SLC41A3: variants seen among roughly 807,000 people sequenced by gnomAD.
The protein encoded by SLC41A3 is SLC41A1-like 2.
A neutral mutation model predicts 45.4 loss-of-function variants in SLC41A3; 44 were observed. The observed-to-expected ratio is 0.97, with a 90% CI of 0.76 to 1.25. SLC41A3 has a LOEUF of 1.25. SLC41A3 is among the 50% of genes most tolerant of loss of function. SLC41A3 has a pLI of 0.00. For missense variants in SLC41A3, 550 were observed against 600.6 expected, an observed-to-expected ratio of 0.92 and a Z score of 0.88; for synonymous variants, 256 against 252.4, an observed-to-expected ratio of 1.01 and a Z score of -0.13.
At chr3:126,012,099 A>G (rs1939773480) in intron 9 of SLC41A3, among the ~76,000 whole-genome samples, 1 of 152,060 alleles carries the variant, frequency 6.6e-6, no homozygotes, top group Admixed American at 6.5e-5. Flanking sequence ...TTGGCCTTTC[A>G]GTTCTTCAGA....
At chr3:126,039,400 T>A (rs1300759964) in intron 3 of SLC41A3, among the ~76,000 whole-genome samples, 1 of 152,220 alleles carries the variant, frequency 6.6e-6, no homozygotes, top group Non-Finnish European at 1.5e-5. Context: ...TTTTATGGGA[T>A]GTCTCTCAAT....
intron 6 of SLC41A3, among the ~76,000 whole-genome samples, chr3:126,019,480 C>T (rs1284923551): frequency 6.6e-6 from 1 of 152,168 alleles, no homozygotes; most frequent in Non-Finnish European, 1.5e-5. Context: ...CCCCATAGCC[C>T]AGAGTCTTAA....
intron 3 of SLC41A3, among the ~76,000 whole-genome samples, chr3:126,048,938 G>A (rs1943144237): frequency 6.6e-6 from 1 of 151,582 alleles, no homozygotes; most frequent in African/African-American, 2.4e-5. Flanking sequence ...AAAAAACAAA[G>A]TAAAACCTTT....
intron 1 of SLC41A3, among the ~76,000 whole-genome samples, chr3:126,076,729 C>T (rs1454112764): frequency 6.6e-6 from 1 of 152,206 alleles, no homozygotes; most frequent in Non-Finnish European, 1.5e-5. Context: ...CTGGGGATGA[C>T]CATTCCTCGA....
chr3:126,011,533 T>C (rs1939711027), intron 9 of SLC41A3, among the ~76,000 whole-genome samples: 1 of 152,194 alleles, frequency 6.6e-6, no homozygotes, highest in African/African-American at 2.4e-5. Flanking sequence ...GAAAAAGTGA[T>C]GGCTTAAATT....
upstream of SLC41A3, among the ~76,000 whole-genome samples, chr3:126,086,408 G>GGTTTTTTTTTTTTTTTTTTTTTTTTTTTT (rs776330275): frequency 4.7e-5 from 1 of 21,184 alleles, no homozygotes; most frequent in Non-Finnish European, 1.1e-4. Flanking sequence ...TTGTTTTCTT[G>GGTTTTTTTTTTTTTTTTTTTTTTTTTTTT]TTTTTTTTTT....
chr3:126,096,545 G>T (rs1325802455), intron 1 of SLC41A3, among the ~76,000 whole-genome samples: 1 of 152,262 alleles, frequency 6.6e-6, no homozygotes, highest in Non-Finnish European at 1.5e-5. Context: ...TGCCCAGGGT[G>T]GAAAACTGCT....
At chr3:126,047,678 C>T (rs1349711819) in intron 3 of SLC41A3, among the ~76,000 whole-genome samples, 1 of 152,066 alleles carries the variant, frequency 6.6e-6, no homozygotes. Context: ...GCTGGGAAAA[C>T]GAAATATCCA....
At chr3:126,066,666 T>C (rs556496796) in intron 2 of SLC41A3, among the ~76,000 whole-genome samples, 1 of 152,158 alleles carries the variant, frequency 6.6e-6, no homozygotes, top group African/African-American at 2.4e-5. Context: ...TAAAGATAGT[T>C]ATAGGAAATA....
chr3:126,059,248 AAAGAAAGAAAGAAAG>A (rs1214421338), intron 2 of SLC41A3, among the ~76,000 whole-genome samples: 11 of 2,258 alleles, frequency 4.9e-3, no homozygotes, highest in Non-Finnish European at 0.026. Flanking sequence ...AGAAAGAAAG[AAAGAAAGAAAGAAAG>A]AAGAAAGAAA....
intron 2 of SLC41A3, chr3:126,056,544 G>A: frequency 8.7e-6 from 14 of 1,613,590 alleles, no homozygotes; most frequent in Non-Finnish European, 1.2e-5. Flanking sequence ...TCAGCTGGGT[G>A]ACCACCATGG....
In SLC41A3 at chr3:126,007,154, G is replaced by A; in HGVS notation, c.1326C>T (p.Asn442=). 1 of 1,614,204 alleles carries A rather than the reference G, an allele frequency of 6.2e-7. No individual in the cohort carries two copies. Among genetic ancestry groups the A allele is most frequent in the Non-Finnish European group, 8.5e-7 (1 of 1,180,034 alleles). ...GCCCTGTAAGGTAGGGGATGCAGTGGTTGTCAGGATCCAGGGCCTGGTGCC... is the reference window on the plus strand; with the variant it reads ...GCCCTGTAAGGTAGGGGATGCAGTGATTGTCAGGATCCAGGGCCTGGTGCC... ...LTWHQALDPD[N]HCIPYLTGLG... The change falls in exon 11 of 11, where the codon AAC becomes AAT. Residue 442 remains asparagine, a synonymous_variant. Transcript: ENST00000360370.
chr3:126,057,432 C>T (rs1943742875), intron 2 of SLC41A3, among the ~76,000 whole-genome samples: 1 of 152,214 alleles, frequency 6.6e-6, no homozygotes, highest in South Asian at 2.1e-4. Flanking sequence ...GTCCTCTGCG[C>T]ATTCCACAGG....
In SLC41A3 at chr3:126,059,291, AAAGAAAGAAAGAAAGAAAGG is replaced by A. The variant is rs1559869900; in HGVS notation, c.274-8261_274-8242del. ...GAAAGAAAGAAAGAAAGAAAGAAAGAAAGAAAGAAAGAAAGAAAGGAAGGATGATCTGTGATAAGTGCTCT... is the reference window on the plus strand; with the variant it reads ...GAAAGAAAGAAAGAAAGAAAGAAAGAAAGGATGATCTGTGATAAGTGCTCT... On this transcript the variant is annotated intron_variant, in intron 2 of 10. Transcript: ENST00000360370. Among the ~76,000 whole-genome samples the A allele has an allele frequency of 5.6e-4, 68 of 121,288 alleles. 4 individuals are homozygous for A. The highest frequency in any genetic ancestry group is 8.7e-4 in the Non-Finnish European group (48 of 55,466). The allele number at this position is 121,288 out of a possible 152,430, so 79.6% of individuals were successfully genotyped here.
intron 1 of SLC41A3, among the ~76,000 whole-genome samples, chr3:126,072,376 A>AG (rs2108043951): frequency 6.6e-6 from 1 of 151,808 alleles, no homozygotes; most frequent in East Asian, 1.9e-4. Flanking sequence ...AAAAAATAAA[A>AG]AAAAAAAAAG....
intron 2 of SLC41A3, chr3:126,056,691 T>C (rs1052411151): frequency 2.8e-6 from 4 of 1,447,214 alleles, no homozygotes; most frequent in Admixed American, 2.7e-5. Context: ...AGGTGCCCTG[T>C]GCCTGCAGAG....
intron 8 of SLC41A3, among the ~76,000 whole-genome samples, chr3:126,013,998 C>T (rs1410014700): frequency 6.6e-6 from 1 of 152,148 alleles, no homozygotes; most frequent in African/African-American, 2.4e-5. Context: ...TCAAGCTCTG[C>T]CCGGGCCAGA....
chr3:126,064,252 C>G lies in SLC41A3; in HGVS notation c.273+3695G>C, dbSNP rs1229217426. The stretch of plus-strand genomic sequence containing the variant: ...GACTCTGCTCCTGTGGATGAGGTTC[C>G]CAGCCCAAGAGCCTCCTTATCTCAG... On this transcript the variant is annotated intron_variant, in intron 2 of 10. Transcript: ENST00000360370. 3.3e-5 allele frequency among the ~76,000 whole-genome samples: 5 copies of G among 152,230 alleles called. No individual in the cohort carries two copies. The East Asian group carries it at 5.8e-4, about 18-fold the overall frequency.
In SLC41A3 at chr3:126,007,096, G is replaced by A; in HGVS notation, c.1384C>T (p.Leu462Phe). ...AGTAGCCAGTCAGTGAAAAAGCAGA[G>A]TGCCAGGAGGCCAGTACCGAGCAGG... is the stretch of plus-strand genomic sequence containing the variant. ...GDLLGTGLLA[L>F]CFFTDWLLKS... The change falls in exon 11 of 11, where the codon CTC becomes TTC. Residue 462 changes from leucine to phenylalanine, a missense_variant. By Grantham distance (22) the Leu-to-Phe change is conservative (BLOSUM62 0). Coordinates refer to ENST00000360370, the MANE Select transcript of SLC41A3 (RefSeq NM_017836.4). 1 of 1,614,222 alleles carries A rather than the reference G, an allele frequency of 6.2e-7. No individual in the cohort carries two copies. The highest frequency in any genetic ancestry group is 8.5e-7 in the Non-Finnish European group (1 of 1,180,040).
Sources: gnomAD v4.1 joint callset for allele counts (sites outside exome capture counted in the v4.1 genomes callset) on GRCh38, gnomAD v4.1.1 for gene constraint, MANE v1.5 for transcripts, NCBI Gene and HGNC (gene_info 2026-07-23, HGNC 2026-07-21) for gene names.